DOK6: variants seen among roughly 807,000 people sequenced by gnomAD.
The protein encoded by DOK6 is docking protein 6, also known as downstream of tyrosine kinase 6.
Under a neutral mutation model 44.0 loss-of-function variants are expected in DOK6, and 22 were observed. The observed-to-expected ratio is 0.50, with a 90% CI of 0.36 to 0.71. The LOEUF is 0.71. Ranked by LOEUF, DOK6 falls within the 30% of genes least tolerant of loss-of-function variation. The pLI, the probability that DOK6 is intolerant of heterozygous loss-of-function variation, is 0.00. For synonymous variants in DOK6, 166 were observed against 145.5 expected (o/e 1.14, Z -1.01); for missense variants, 340 against 416.4 (o/e 0.82, Z 1.60).
intron 5 of DOK6, among the ~76,000 whole-genome samples, chr18:69,721,140 G>T (rs781363419): frequency 1.3e-5 from 2 of 152,094 alleles, no homozygotes; most frequent in Non-Finnish European, 2.9e-5. Flanking sequence ...TAGATGAAAG[G>T]TTCCCTTTTG....
At chr18:69,695,475 T>C (rs1174191792) in intron 4 of DOK6, among the ~76,000 whole-genome samples, 1 of 152,220 alleles carries the variant, frequency 6.6e-6, no homozygotes, top group Non-Finnish European at 1.5e-5. Flanking sequence ...TTAAAAATCA[T>C]TTTAATGGAG....
intron 3 of DOK6, among the ~76,000 whole-genome samples, chr18:69,623,068 TC>T: frequency 6.6e-6 from 1 of 152,182 alleles, no homozygotes; most frequent in Non-Finnish European, 1.5e-5. Context: ...GGTGGACTTC[TC>T]CCTTACTGTT....
intron 7 of DOK6, among the ~76,000 whole-genome samples, chr18:69,762,912 G>A (rs1979607696): frequency 6.6e-6 from 1 of 152,186 alleles, no homozygotes; most frequent in African/African-American, 2.4e-5. Flanking sequence ...GTGATTAAAA[G>A]TCAAGGTGAG....
At chr18:69,509,515 T>C (rs373558145) in intron 1 of DOK6, among the ~76,000 whole-genome samples, 1 of 151,276 alleles carries the variant, frequency 6.6e-6, no homozygotes. Context: ...GCGGGCGCCT[T>C]TAGTCCCAGC....
At chr18:69,815,533 C>T (rs772720428) in intron 7 of DOK6, among the ~76,000 whole-genome samples, 9 of 152,098 alleles carry the variant, frequency 5.9e-5, no homozygotes, top group Non-Finnish European at 8.8e-5. Flanking sequence ...GTTTATATTA[C>T]GATCATGCTT....
At chr18:69,640,245 A>G (rs1349743131) in intron 3 of DOK6, among the ~76,000 whole-genome samples, 2 of 152,172 alleles carry the variant, frequency 1.3e-5, no homozygotes, top group Non-Finnish European at 2.9e-5. Flanking sequence ...ACTCTTTGTT[A>G]ATTCTGTCTT....
intron 6 of DOK6, among the ~76,000 whole-genome samples, chr18:69,741,970 T>C (rs759987822): frequency 1.3e-5 from 2 of 152,224 alleles, no homozygotes; most frequent in African/African-American, 4.8e-5. Flanking sequence ...AAATTCAATA[T>C]GATCTTTTCA....
chr18:69,558,916 G>A (rs949916640), intron 1 of DOK6, among the ~76,000 whole-genome samples: 3 of 152,006 alleles, frequency 2.0e-5, no homozygotes, highest in Non-Finnish European at 4.4e-5. Flanking sequence ...ATCAGAGGAA[G>A]CTGTATAGAG....
intron 7 of DOK6, among the ~76,000 whole-genome samples, chr18:69,800,790 G>A (rs2852146): frequency 0.43 from 65,913 of 151,992 alleles, 15,644 homozygotes; most frequent in East Asian, 0.58. Context: ...TCATTTTGAT[G>A]AATTTTATTC....
In DOK6 at chr18:69,656,489, A is replaced by G. The variant is rs557167773; in HGVS notation, c.290-21245A>G. Among the ~76,000 whole-genome samples the G allele has an allele frequency of 1.3e-4, 20 of 152,332 alleles. No homozygotes were observed. In the South Asian group the frequency reaches 3.7e-3, roughly 28 times the overall value. ...CACCTCTCTGTGCCTCCATTTCCAC[A>G]TATGTTCAGTGGAAATATAAATAAT... is the stretch of plus-strand genomic sequence containing the variant. On this transcript the variant is annotated intron_variant, in intron 3 of 7. Transcript: ENST00000382713.
intron 3 of DOK6, among the ~76,000 whole-genome samples, chr18:69,642,801 T>C (rs1256292384): frequency 6.6e-6 from 1 of 152,206 alleles, no homozygotes; most frequent in Non-Finnish European, 1.5e-5. Context: ...TAGTTTTAGC[T>C]ACTTGGATAT....
intron 2 of DOK6, among the ~76,000 whole-genome samples, chr18:69,590,533 C>T (rs1475098916): frequency 6.6e-6 from 1 of 152,060 alleles, no homozygotes; most frequent in African/African-American, 2.4e-5. Context: ...TGGAACTTAG[C>T]TTGTGTTGAG....
intron 1 of DOK6, among the ~76,000 whole-genome samples, chr18:69,504,554 C>T (rs1981131525): frequency 6.6e-6 from 1 of 151,970 alleles, no homozygotes; most frequent in South Asian, 2.1e-4. Flanking sequence ...CATTTTGCAT[C>T]CAACGAATAT....
At chr18:69,531,189 A>G (rs925562297) in intron 1 of DOK6, among the ~76,000 whole-genome samples, 1 of 149,604 alleles carries the variant, frequency 6.7e-6, no homozygotes, top group Non-Finnish European at 1.5e-5. Context: ...CAGCACACTG[A>G]TGGGTCTTGA....
At chr18:69,768,952 T>TGA (rs1431966503) in intron 7 of DOK6, among the ~76,000 whole-genome samples, 1 of 138,938 alleles carries the variant, frequency 7.2e-6, no homozygotes, top group Non-Finnish European at 1.6e-5. Flanking sequence ...TTGAAGGGTG[T>TGA]GCGTGTGTGT....
intron 5 of DOK6, among the ~76,000 whole-genome samples, chr18:69,720,917 C>G (rs370028478): frequency 2.0e-5 from 3 of 152,018 alleles, no homozygotes; most frequent in Non-Finnish European, 4.4e-5. Flanking sequence ...ACAACCAGAA[C>G]GGAGGGAATT....
intron 7 of DOK6, among the ~76,000 whole-genome samples, chr18:69,808,785 AATCAGTAATAAAAGTCTCCC>A (rs769485273): frequency 2.6e-5 from 4 of 151,900 alleles, no homozygotes; most frequent in Non-Finnish European, 4.4e-5. Context: ...ACAAAGATTG[AATCAGTAATAAAAGTCTCCC>A]ATCAGTGAAA....
At chr18:69,802,700 C>A (rs1478317283) in intron 7 of DOK6, among the ~76,000 whole-genome samples, 1 of 152,110 alleles carries the variant, frequency 6.6e-6, no homozygotes, top group Non-Finnish European at 1.5e-5. Context: ...CTCTCTCTTT[C>A]TCACCATGTG....
chr18:69,741,488 A>T (rs1453105771), intron 6 of DOK6, among the ~76,000 whole-genome samples: 1 of 152,138 alleles, frequency 6.6e-6, no homozygotes, highest in Non-Finnish European at 1.5e-5. Context: ...AACATGCACA[A>T]AACTTTTCTT....
Sources: allele counts gnomAD v4.1 joint callset (sites outside exome capture counted in the v4.1 genomes callset), GRCh38; gene constraint gnomAD v4.1.1; transcripts MANE v1.5; gene names NCBI Gene and HGNC (gene_info 2026-07-23, HGNC 2026-07-21).